The following SLIT3 variants were observed in gnomAD, a reference collection of about 807,000 sequenced individuals.
The protein encoded by SLIT3 is slit homolog 3 protein.
A neutral mutation model predicts 184.0 loss-of-function variants in SLIT3; 68 were observed. The observed-to-expected ratio is 0.37, with a 90% confidence interval of 0.30 to 0.45. The LOEUF (loss-of-function observed/expected upper bound fraction) is 0.45. Ranked by LOEUF, SLIT3 falls within the 20% of genes least tolerant of loss-of-function variation. SLIT3 has a pLI of 1.00. For missense variants in SLIT3, 1,707 were observed against 2,026.0 expected (o/e 0.84, Z 3.02); for synonymous variants, 831 against 828.6 (o/e 1.00, Z -0.05).
chr5:169,097,770 C>A (rs140133582), intron 4 of SLIT3, among the ~76,000 whole-genome samples: 1 of 152,168 alleles, frequency 6.6e-6, no homozygotes. Flanking sequence ...AGCCCCCCAC[C>A]ACCCTGCAAA....
chr5:168,984,714 T>C (rs1262333660), intron 4 of SLIT3, among the ~76,000 whole-genome samples: 1 of 152,198 alleles, frequency 6.6e-6, no homozygotes, highest in East Asian at 1.9e-4. Context: ...ACTTTCAGAA[T>C]TTAGAGGCAA....
At chr5:169,125,512 G>C (rs558940200) in intron 4 of SLIT3, among the ~76,000 whole-genome samples, 1 of 152,304 alleles carries the variant, frequency 6.6e-6, no homozygotes, top group Non-Finnish European at 1.5e-5. Context: ...ATATCCAGGG[G>C]AGCTTGTTCC....
intron 4 of SLIT3, among the ~76,000 whole-genome samples, chr5:169,069,559 A>T (rs1341847446): frequency 4.6e-5 from 7 of 152,150 alleles, no homozygotes; most frequent in Non-Finnish European, 8.8e-5. Flanking sequence ...GGTCCCCTAG[A>T]GGCATGCCCA....
intron 29 of SLIT3, among the ~76,000 whole-genome samples, chr5:168,687,664 CT>C (rs1761787075): frequency 6.6e-6 from 1 of 152,208 alleles, no homozygotes; most frequent in African/African-American, 2.4e-5. Flanking sequence ...GTTTCTTCAT[CT>C]TTAAATGCAA....
At chr5:169,129,826 TTTTGTTTGTTTG>T (rs374300617) in intron 4 of SLIT3, among the ~76,000 whole-genome samples, 152 of 151,130 alleles carry the variant, frequency 1.0e-3, no homozygotes, top group Admixed American at 4.4e-3. Flanking sequence ...TGGTGGTTTT[TTTTGTTTGTTTG>T]TTTGTTTGTT....
chr5:168,686,089 C>A (rs1178930965), intron 30 of SLIT3, among the ~76,000 whole-genome samples, 162 bp from the exon 31 acceptor site: 4 of 152,206 alleles, frequency 2.6e-5, no homozygotes, highest in Non-Finnish European at 5.9e-5. Context: ...CGGGGCAAGA[C>A]CTTTTCCTTC....
intron 4 of SLIT3, among the ~76,000 whole-genome samples, chr5:169,113,458 C>A (rs1384680827): frequency 6.6e-6 from 1 of 152,112 alleles, no homozygotes; most frequent in Non-Finnish European, 1.5e-5. Flanking sequence ...GTTTATCCAT[C>A]CATCCACTGA....
Position 168,665,117 on chromosome 5 carries a change from C to T in SLIT3, c.*1337G>A, listed in dbSNP as rs1760993546. The T allele has an allele frequency of 6.6e-6, 1 of 152,298 alleles. No individual in the cohort carries two copies. The highest frequency in any genetic ancestry group is 2.4e-5 in the African/African-American group (1 of 41,454). 9.4% of individuals were successfully genotyped at this position (152,298 alleles called of 1,614,324 possible). A position where few individuals can be genotyped will look rare whatever the true frequency, so the allele number is the denominator to read the frequency against. ...TGGGTCTGGACTTCTGGTCTGGCTC[C>T]TCCACTTATCTGGTGTGTGGCTTAA... On this transcript the variant is annotated 3_prime_UTR_variant, in exon 36 of 36. Transcript: ENST00000519560.
At chr5:168,701,090 C>T (rs1270792404) in intron 26 of SLIT3, among the ~76,000 whole-genome samples, 1 of 152,224 alleles carries the variant, frequency 6.6e-6, no homozygotes, top group Non-Finnish European at 1.5e-5. Context: ...CCAAGTCCAC[C>T]TCACAGGGTT....
intron 4 of SLIT3, among the ~76,000 whole-genome samples, chr5:168,978,033 T>A (rs1754827790): frequency 6.6e-6 from 1 of 152,158 alleles, no homozygotes; most frequent in Admixed American, 6.5e-5. Context: ...GGACTCCTGT[T>A]GGGGCAACTC....
At chr5:168,824,971 TTACCA>T (rs2113673230) in intron 6 of SLIT3, among the ~76,000 whole-genome samples, 1 of 152,346 alleles carries the variant, frequency 6.6e-6, no homozygotes, top group South Asian at 2.1e-4. Context: ...GTCCTGTGCA[TTACCA>T]TAGCCTCATG....
chr5:168,736,893 C>A (rs1763454787), intron 20 of SLIT3, among the ~76,000 whole-genome samples: 1 of 152,206 alleles, frequency 6.6e-6, no homozygotes, highest in Non-Finnish European at 1.5e-5. Context: ...GTGTGATCGT[C>A]AAAAATTATT....
chr5:169,128,919 G>A (rs1761182751), intron 4 of SLIT3, among the ~76,000 whole-genome samples: 1 of 152,104 alleles, frequency 6.6e-6, no homozygotes, highest in South Asian at 2.1e-4. Context: ...CTTGTATTTG[G>A]AGTTACTGGA....
chr5:168,897,268 C>A (rs906467487), intron 4 of SLIT3, among the ~76,000 whole-genome samples: 20 of 152,160 alleles, frequency 1.3e-4, no homozygotes, highest in African/African-American at 4.8e-4. Flanking sequence ...AGGCAGGACT[C>A]CTTGGATGTC....
chr5:169,190,065 C>G (rs894962670), intron 4 of SLIT3, among the ~76,000 whole-genome samples: 2 of 152,216 alleles, frequency 1.3e-5, no homozygotes, highest in African/African-American at 4.8e-5. Context: ...CTATGGGGAA[C>G]CCATTCTCTA....
intron 4 of SLIT3, among the ~76,000 whole-genome samples, chr5:169,082,617 C>G (rs1019962530): frequency 6.6e-6 from 1 of 152,110 alleles, no homozygotes; most frequent in African/African-American, 2.4e-5. Context: ...TACCTGAATC[C>G]TGTGGTAGAA....
At chr5:168,850,724 C>T (rs1436667474) in intron 5 of SLIT3, among the ~76,000 whole-genome samples, 1 of 152,212 alleles carries the variant, frequency 6.6e-6, no homozygotes, top group Non-Finnish European at 1.5e-5. Context: ...ACATAGCTAG[C>T]ATAACACCTT....
intron 4 of SLIT3, among the ~76,000 whole-genome samples, chr5:168,899,214 A>C (rs1760783437): frequency 7.0e-6 from 1 of 142,100 alleles, no homozygotes; most frequent in Non-Finnish European, 1.6e-5. Context: ...ACAGGTGCAA[A>C]CCTAAAAACA....
intron 5 of SLIT3, among the ~76,000 whole-genome samples, chr5:168,876,354 A>G (rs1021985236): frequency 5.3e-5 from 8 of 152,000 alleles, no homozygotes; most frequent in African/African-American, 1.9e-4. Context: ...AAATCTGATC[A>G]TGCCACTCCC....
Sources: gnomAD v4.1 joint callset for allele counts (sites outside exome capture counted in the v4.1 genomes callset) on GRCh38, gnomAD v4.1.1 for gene constraint, MANE v1.5 for transcripts, NCBI Gene and HGNC (gene_info 2026-07-23, HGNC 2026-07-21) for gene names.